Variants in NINJ2 observed in about 807,000 individuals in gnomAD.
NINJ2 encodes ninjurin-2.
Under a neutral mutation model 11.7 loss-of-function variants are expected in NINJ2, and 12 were observed. That is an observed-to-expected ratio of 1.02 (90% CI 0.66 to 1.66). NINJ2 has a LOEUF of 1.66. Among genes scored for constraint, NINJ2 ranks in the 40% most tolerant of loss-of-function variants. The pLI is 0.00. For missense variants in NINJ2, 187 were observed against 181.8 expected, an observed-to-expected ratio of 1.03 and a Z score of -0.16; for synonymous variants, 93 against 76.8, an observed-to-expected ratio of 1.21 and a Z score of -1.10.
chr12:647,378 TA>T (rs1322536439), intron 1 of NINJ2, among the ~76,000 whole-genome samples: 11 of 152,208 alleles, frequency 7.2e-5, no homozygotes, highest in Admixed American at 7.2e-4. Context: ...ATAGTGGCTG[TA>T]AATCCCACAA....
intron 1 of NINJ2, among the ~76,000 whole-genome samples, chr12:597,043 A>G (rs187487720): frequency 6.6e-6 from 1 of 152,360 alleles, no homozygotes; most frequent in African/African-American, 2.4e-5. Flanking sequence ...TAACTATTAC[A>G]AATTTATACC....
intron 1 of NINJ2, among the ~76,000 whole-genome samples, chr12:597,733 G>A (rs1947807315): frequency 1.3e-5 from 2 of 152,250 alleles, no homozygotes; most frequent in African/African-American, 4.8e-5. Context: ...AGCTGAAGAA[G>A]AGGCGAATGT....
chr12:610,347 A>G lies in NINJ2; in HGVS notation c.34-44169T>C, dbSNP rs921811847. ...TCCCGTGGCCAGAGGCACACTTACC[A>G]TATACATCATGACTCAGATCCCATT... On this transcript the variant is annotated intron_variant, in intron 1 of 3. Transcript: ENST00000305108. 18 of 1,535,326 alleles carry G rather than the reference A, an allele frequency of 1.2e-5. No homozygotes were observed. In the East Asian group the frequency reaches 1.2e-4, roughly 10 times the overall value.
rs1384652753 is a variant in NINJ2 at position 640,075 on chromosome 12, C to G, written c.33+23253G>C. ...GCGTCCCTCCAATGTGCCAGACCTA[C>G]TGTCACAGCAATATGTATCCCCAGT... On this transcript the variant is annotated intron_variant, in intron 1 of 3. Coordinates refer to ENST00000305108, the MANE Select transcript of NINJ2 (RefSeq NM_016533.6). The surrounding 1 kb of genome is among the most constrained non-coding windows in gnomAD (Gnocchi z 4.0). Among the ~76,000 whole-genome samples the G allele has an allele frequency of 6.6e-6, 1 of 152,214 alleles. No homozygotes were observed. Among genetic ancestry groups the G allele is most frequent in the Non-Finnish European group, 1.5e-5 (1 of 68,038 alleles).
chr12:642,855 C>A (rs1258534222), intron 1 of NINJ2: 2 of 151,186 alleles, frequency 1.3e-5, no homozygotes, highest in Non-Finnish European at 3.0e-5. Context: ...CTCGGGGCCC[C>A]GCTCCCCTGC....
chr12:661,225 C>T (rs1937953882), intron 1 of NINJ2, among the ~76,000 whole-genome samples: 1 of 152,102 alleles, frequency 6.6e-6, no homozygotes. Context: ...ACTACAGGTG[C>T]ATGCCACCAT....
chr12:611,039 C>T (rs570941598), intron 1 of NINJ2, among the ~76,000 whole-genome samples: 1 of 152,268 alleles, frequency 6.6e-6, no homozygotes, highest in South Asian at 2.1e-4. Flanking sequence ...CTAGGCTGGA[C>T]ATCTATTCTT....
At chr12:578,190 C>T (rs762403005) in intron 1 of NINJ2, among the ~76,000 whole-genome samples, 2 of 152,182 alleles carry the variant, frequency 1.3e-5, no homozygotes, top group African/African-American at 4.8e-5. Context: ...ATGACCCTCT[C>T]ACGCGGACCC....
chr12:575,402 G>C (rs1565620286), intron 1 of NINJ2, among the ~76,000 whole-genome samples: 3 of 152,130 alleles, frequency 2.0e-5, no homozygotes, highest in Admixed American at 2.0e-4. Flanking sequence ...ACTGTTCCCT[G>C]AACACACCCC....
At chr12:608,822 T>C (rs1244148220) in intron 1 of NINJ2, among the ~76,000 whole-genome samples, 1 of 152,260 alleles carries the variant, frequency 6.6e-6, no homozygotes, top group Non-Finnish European at 1.5e-5. Flanking sequence ...TGATGCTGAC[T>C]GAATGCAGAG....
intron 1 of NINJ2, among the ~76,000 whole-genome samples, chr12:576,910 G>C (rs2535426): frequency 6.6e-6 from 1 of 152,038 alleles, no homozygotes; most frequent in Non-Finnish European, 1.5e-5. Context: ...ATGCCCACTT[G>C]AGCTGTGAGG....
At chr12:658,719 T>TA (rs1937911919) in intron 1 of NINJ2, among the ~76,000 whole-genome samples, 1 of 148,716 alleles carries the variant, frequency 6.7e-6, no homozygotes, top group Non-Finnish European at 1.5e-5. Context: ...TGCTATGCTA[T>TA]GCTATGCTAA....
At chr12:570,512 T>C (rs1318377700) in intron 1 of NINJ2, among the ~76,000 whole-genome samples, 1 of 152,104 alleles carries the variant, frequency 6.6e-6, no homozygotes, top group Non-Finnish European at 1.5e-5. Context: ...CGCAGCAGGG[T>C]GGCCCCCGCT....
chr12:660,786 C>A (rs144003924), intron 1 of NINJ2, among the ~76,000 whole-genome samples: 7 of 152,190 alleles, frequency 4.6e-5, no homozygotes, highest in African/African-American at 1.7e-4. Flanking sequence ...TATGATGAAA[C>A]CCTGTCTCTA....
chr12:612,747 C>T lies in NINJ2; in HGVS notation c.34-46569G>A, dbSNP rs142133514. Among the ~76,000 whole-genome samples, 90 of 152,210 alleles carry T rather than the reference C, an allele frequency of 5.9e-4. 2 individuals are homozygous for T. The highest frequency in any genetic ancestry group is 2.1e-3 in the African/African-American group (87 of 41,534). ...ATGCTTTAGGTTCCTTTCTGTCACC[C>T]GTAACCCAAAGTGCCTGAGTCTCTT... On this transcript the variant is annotated intron_variant, in intron 1 of 3. Transcript: ENST00000305108.
At chr12:648,519 C>T (rs748205368) in intron 1 of NINJ2, among the ~76,000 whole-genome samples, 10 of 152,190 alleles carry the variant, frequency 6.6e-5, no homozygotes, top group Non-Finnish European at 1.0e-4. Context: ...ACCCGTTCAT[C>T]GGGGATGAAC....
At chr12:565,605 C>A (rs1947285418) in intron 2 of NINJ2, 2 of 622,966 alleles carry the variant, frequency 3.2e-6, no homozygotes, top group Non-Finnish European at 2.8e-6. Context: ...TTCATCCCAC[C>A]AGGATTTGGG....
chr12:655,867 T>C (rs1487258387), intron 1 of NINJ2, among the ~76,000 whole-genome samples: 1 of 151,930 alleles, frequency 6.6e-6, no homozygotes, highest in Non-Finnish European at 1.5e-5. Flanking sequence ...GAGCTGAGAT[T>C]GTGCCACTGT....
chr12:624,030 T>C (rs1948184853), intron 1 of NINJ2, among the ~76,000 whole-genome samples: 1 of 151,944 alleles, frequency 6.6e-6, no homozygotes, highest in African/African-American at 2.4e-5. Context: ...AGCGAGACTC[T>C]GTCTCAAAAA....
Sources: gnomAD v4.1 joint callset for allele counts (sites outside exome capture counted in the v4.1 genomes callset) on GRCh38, gnomAD v4.1.1 for gene constraint, Gnocchi (gnomAD v3.1) non-coding constraint, MANE v1.5 for transcripts, NCBI Gene and HGNC (gene_info 2026-07-23, HGNC 2026-07-21) for gene names.